SLC9A9: variants seen among roughly 807,000 people sequenced by gnomAD.
SLC9A9 encodes solute carrier family 9 member A9, also known as sodium/hydrogen exchanger 9.
In SLC9A9, 62 loss-of-function variants were observed where a neutral mutation model predicts 77.8. The observed-to-expected ratio is 0.80, with a 90% CI of 0.65 to 0.98. The LOEUF (loss-of-function observed/expected upper bound fraction) is 0.98, where lower values mean the gene tolerates loss of function less well. Ranked by LOEUF, SLC9A9 falls within the 50% of genes least tolerant of loss-of-function variation. The pLI, the probability that SLC9A9 is intolerant of heterozygous loss-of-function variation, is 0.00. For missense variants in SLC9A9, 775 were observed against 774.9 expected, an observed-to-expected ratio of 1.00 and a Z score of 0.00; for synonymous variants, 320 against 283.5, an observed-to-expected ratio of 1.13 and a Z score of -1.29.
At chr3:143,734,401 A>T (rs893188689) in intron 4 of SLC9A9, among the ~76,000 whole-genome samples, 8 of 152,288 alleles carry the variant, frequency 5.3e-5, no homozygotes, top group African/African-American at 1.9e-4. Context: ...AAAGAAATAC[A>T]TAAAAACCCT....
At chr3:143,585,329 T>C (rs1310207086) in intron 6 of SLC9A9, among the ~76,000 whole-genome samples, 1 of 152,188 alleles carries the variant, frequency 6.6e-6, no homozygotes, top group Non-Finnish European at 1.5e-5. Flanking sequence ...CTATAGTTTA[T>C]GTAAAAATAC....
intron 12 of SLC9A9, among the ~76,000 whole-genome samples, chr3:143,383,679 G>A (rs141536157): frequency 1.3e-5 from 2 of 152,330 alleles, no homozygotes; most frequent in African/African-American, 4.8e-5. Flanking sequence ...TGCTTCAGCT[G>A]GAGTGGGGCA....
intron 14 of SLC9A9, among the ~76,000 whole-genome samples, chr3:143,353,438 A>C (rs2032515482): frequency 6.6e-6 from 1 of 152,202 alleles, no homozygotes; most frequent in Non-Finnish European, 1.5e-5. Context: ...TTCTTCCACC[A>C]CATGAGGATA....
intron 15 of SLC9A9, among the ~76,000 whole-genome samples, chr3:143,268,423 G>A (rs570401784): frequency 5.4e-4 from 82 of 152,256 alleles, no homozygotes; most frequent in Middle Eastern, 3.4e-3. Flanking sequence ...TCCTAGTGCA[G>A]TGAATTTTTA....
intron 12 of SLC9A9, among the ~76,000 whole-genome samples, chr3:143,426,435 T>C (rs749133943): frequency 6.6e-6 from 1 of 152,244 alleles, no homozygotes; most frequent in African/African-American, 2.4e-5. Context: ...AAACATCTTG[T>C]GGAAACCTAT....
At chr3:143,487,968 G>A (rs80117983) in intron 11 of SLC9A9, among the ~76,000 whole-genome samples, 1,985 of 151,608 alleles carry the variant, frequency 0.013, 41 homozygotes, top group African/African-American at 0.045. Flanking sequence ...TTTGGAAAGA[G>A]CAATAAAATT....
At chr3:143,726,203 C>A (rs990746371) in intron 4 of SLC9A9, among the ~76,000 whole-genome samples, 1 of 113,430 alleles carries the variant, frequency 8.8e-6, no homozygotes, top group African/African-American at 3.1e-5. Flanking sequence ...ACCTGCACAT[C>A]CTGCACATGC....
intron 8 of SLC9A9, among the ~76,000 whole-genome samples, chr3:143,554,545 A>T (rs2036946928): frequency 6.6e-6 from 1 of 152,142 alleles, no homozygotes; most frequent in Non-Finnish European, 1.5e-5. Context: ...GATTACAACG[A>T]TAGCTTCCTA....
At chr3:143,531,883 A>G (rs1012421928) in intron 9 of SLC9A9, among the ~76,000 whole-genome samples, 1 of 152,188 alleles carries the variant, frequency 6.6e-6, no homozygotes, top group African/African-American at 2.4e-5. Flanking sequence ...TGATTTTCAG[A>G]CTGTTACTAA....
At chr3:143,513,992 C>T (rs2036161153) in intron 9 of SLC9A9, among the ~76,000 whole-genome samples, 1 of 151,922 alleles carries the variant, frequency 6.6e-6, no homozygotes, top group Non-Finnish European at 1.5e-5. Flanking sequence ...CTATCCCTCC[C>T]CCGTCCCCCT....
At chr3:143,822,839 C>T (rs2009201031) in intron 2 of SLC9A9, among the ~76,000 whole-genome samples, 1 of 152,142 alleles carries the variant, frequency 6.6e-6, no homozygotes, top group South Asian at 2.1e-4. Context: ...GTTTTCTGTT[C>T]TTTGCTCAGG....
chr3:143,284,530 T>C (rs1938324890), intron 14 of SLC9A9, among the ~76,000 whole-genome samples: 1 of 152,020 alleles, frequency 6.6e-6, no homozygotes, highest in African/African-American at 2.4e-5. Context: ...TTCCCTCATT[T>C]ATATCCCACT....
At chr3:143,713,167 C>A (rs1242064360) in intron 4 of SLC9A9, among the ~76,000 whole-genome samples, 2 of 152,164 alleles carry the variant, frequency 1.3e-5, no homozygotes, top group Non-Finnish European at 2.9e-5. Context: ...AAAGAGAAGG[C>A]AGATTTTTCG....
intron 9 of SLC9A9, among the ~76,000 whole-genome samples, chr3:143,498,759 C>T (rs2035881742): frequency 6.6e-6 from 1 of 152,040 alleles, no homozygotes; most frequent in Non-Finnish European, 1.5e-5. Flanking sequence ...CTATTAGCAC[C>T]TCTACCACCA....
At chr3:143,624,791 A>C (rs547147892) in intron 6 of SLC9A9, among the ~76,000 whole-genome samples, 1 of 152,288 alleles carries the variant, frequency 6.6e-6, no homozygotes, top group Non-Finnish European at 1.5e-5. Context: ...GAAAGAAATA[A>C]AGGGTATTCA....
intron 2 of SLC9A9, among the ~76,000 whole-genome samples, chr3:143,826,467 A>G (rs1273928287): frequency 6.6e-6 from 1 of 151,584 alleles, no homozygotes; most frequent in Non-Finnish European, 1.5e-5. Context: ...TCTTGCATCT[A>G]CCTCTTGGTT....
At chr3:143,611,478 T>G (rs1184202445) in intron 6 of SLC9A9, among the ~76,000 whole-genome samples, 1 of 152,232 alleles carries the variant, frequency 6.6e-6, no homozygotes, top group Admixed American at 6.5e-5. Context: ...ATTATTGTGA[T>G]ATTTCAATAT....
At chr3:143,384,242 A>T (rs1034102431) in intron 12 of SLC9A9, among the ~76,000 whole-genome samples, 2 of 152,118 alleles carry the variant, frequency 1.3e-5, no homozygotes, top group African/African-American at 4.8e-5. Flanking sequence ...TGCCTCCGAC[A>T]GTGGGACCCA....
intron 4 of SLC9A9, among the ~76,000 whole-genome samples, chr3:143,743,190 G>A (rs78578057): frequency 0.015 from 2,218 of 150,348 alleles, 22 homozygotes; most frequent in Middle Eastern, 0.034. Flanking sequence ...AGGAAGGATG[G>A]ATGGATAGAT....
Sources: allele counts gnomAD v4.1 joint callset (sites outside exome capture counted in the v4.1 genomes callset), GRCh38; gene constraint gnomAD v4.1.1; transcripts MANE v1.5; gene names NCBI Gene and HGNC (gene_info 2026-07-23, HGNC 2026-07-21).